PCCA: variants seen among roughly 807,000 people sequenced by gnomAD.
PCCA encodes propionyl-CoA carboxylase alpha chain, mitochondrial.
Under a neutral mutation model 101.3 loss-of-function variants are expected in PCCA, and 74 were observed. The ratio of observed to expected loss-of-function variants is 0.73; its 90% CI spans 0.61 to 0.89. The LOEUF is 0.89. Ranked by LOEUF, PCCA falls within the 40% of genes least tolerant of loss-of-function variation. PCCA has a pLI of 0.00. For synonymous variants in PCCA, 294 were observed against 313.6 expected (o/e 0.94, Z 0.66); for missense variants, 891 against 907.0 (o/e 0.98, Z 0.23).
intron 4 of PCCA, among the ~76,000 whole-genome samples, chr13:100,125,264 T>C (rs2049845420): frequency 6.6e-6 from 1 of 152,190 alleles, no homozygotes; most frequent in African/African-American, 2.4e-5. Context: ...TCACAGTTGG[T>C]CTTAATTAGA....
intron 4 of PCCA, among the ~76,000 whole-genome samples, chr13:100,115,891 A>G (rs1488377508): frequency 6.6e-6 from 1 of 152,188 alleles, no homozygotes; most frequent in Non-Finnish European, 1.5e-5. Flanking sequence ...AATGGAAGCA[A>G]TTGCACACTC....
intron 21 of PCCA, among the ~76,000 whole-genome samples, chr13:100,463,087 G>A (rs1047817799): frequency 1.3e-5 from 2 of 152,150 alleles, no homozygotes; most frequent in South Asian, 2.1e-4. Context: ...GAAAGAGGAC[G>A]GAATGAAATT....
intron 7 of PCCA, among the ~76,000 whole-genome samples, chr13:100,219,906 C>A (rs780709054): frequency 1.3e-5 from 2 of 152,112 alleles, no homozygotes; most frequent in Admixed American, 6.5e-5. Context: ...TCAAGGGTAT[C>A]ATCTTATTCT....
chr13:100,409,941 G>A lies in PCCA; in HGVS notation c.1747-15692G>A, dbSNP rs573001160. Among the ~76,000 whole-genome samples, 226 of 151,752 alleles carry A rather than the reference G, an allele frequency of 1.5e-3. 2 individuals are homozygous for A. Among genetic ancestry groups the A allele is most frequent in the African/African-American group, 5.2e-3 (215 of 41,360 alleles). On this transcript the variant is annotated intron_variant, in intron 19 of 23. Transcript: ENST00000376285. Reference sequence around the variant, plus strand: ...TGCCCAGCTAATTTTTGTATTTTTAGTAGAGACGGGGTTTCACCATGTTGG... The same window carrying A: ...TGCCCAGCTAATTTTTGTATTTTTAATAGAGACGGGGTTTCACCATGTTGG...
At chr13:100,244,929 CTG>C (rs3223372) in intron 8 of PCCA, among the ~76,000 whole-genome samples, 6,962 of 141,388 alleles carry the variant, frequency 0.049, 350 homozygotes, top group African/African-American at 0.14. Context: ...TGAGGAAAGG[CTG>C]TGTGTGTGTG....
chr13:100,395,066 T>C (rs1211996612), intron 19 of PCCA, among the ~76,000 whole-genome samples: 1 of 152,224 alleles, frequency 6.6e-6, no homozygotes, highest in Non-Finnish European at 1.5e-5. Flanking sequence ...TCTAAAACTT[T>C]CTTTGCTCTA....
intron 4 of PCCA, among the ~76,000 whole-genome samples, chr13:100,139,969 C>G (rs2051667740): frequency 6.6e-6 from 1 of 151,818 alleles, no homozygotes; most frequent in South Asian, 2.1e-4. Flanking sequence ...ATCCACCCCA[C>G]ATATGTGTCA....
At position 100,433,184 on chromosome 13, in the gene PCCA, A is replaced by G. The variant is rs2079678118; in HGVS notation, c.1845+7453A>G. ...AATTGCTGGATCACGTGGTAATTGT[A>G]TGTTTAATTTTTTGAGGAACCTCCA... On this transcript the variant is annotated intron_variant, in intron 20 of 23. Transcript: ENST00000376285. Among the ~76,000 whole-genome samples, 3 of 152,164 alleles carry G rather than the reference A, an allele frequency of 2.0e-5. No individual in the cohort carries two copies. In the South Asian group the frequency reaches 6.2e-4, roughly 32 times the overall value.
chr13:100,341,212 G>C (rs1454151465), intron 18 of PCCA, among the ~76,000 whole-genome samples: 1 of 152,188 alleles, frequency 6.6e-6, no homozygotes, highest in East Asian at 1.9e-4. Flanking sequence ...ATCAGTAAAT[G>C]ACTGAATGAC....
At chr13:100,439,907 T>G (rs1167085461) in intron 20 of PCCA, among the ~76,000 whole-genome samples, 1 of 152,086 alleles carries the variant, frequency 6.6e-6, no homozygotes, top group African/African-American at 2.4e-5. Flanking sequence ...TGAAGACTTT[T>G]TTCTTTCTAT....
chr13:100,095,389 T>A (rs922139319), intron 1 of PCCA, among the ~76,000 whole-genome samples: 1 of 152,326 alleles, frequency 6.6e-6, no homozygotes, highest in South Asian at 2.1e-4. Flanking sequence ...GAGCTGGGAA[T>A]ATAATTGTGA....
At chr13:100,100,934 G>A (rs1254233302) in intron 1 of PCCA, among the ~76,000 whole-genome samples, 1 of 152,072 alleles carries the variant, frequency 6.6e-6, no homozygotes, top group African/African-American at 2.4e-5. Context: ...CATCCGAGTA[G>A]CTGGGATTAC....
chr13:100,301,330 T>A (rs2066039383), intron 12 of PCCA, 130 bp from the exon 13 acceptor site: 1 of 928,718 alleles, frequency 1.1e-6, no homozygotes, highest in Admixed American at 1.9e-5. Flanking sequence ...AAGAGTTTTT[T>A]AGTCAAATAT....
rs185136470 is a variant in PCCA at position 100,396,733 on chromosome 13, T to A, written c.1746+28159T>A. On this transcript the variant is annotated intron_variant, in intron 19 of 23. Coordinates refer to ENST00000376285, the MANE Select transcript of PCCA (RefSeq NM_000282.4). ...GATTAATATTTTTACATTCTAATAT[T>A]CTTTGTTAGAATTGTATTTATTTTA... 2.2e-4 allele frequency among the ~76,000 whole-genome samples: 33 copies of A among 152,360 alleles called. No individual in the cohort carries two copies. In the East Asian group the frequency reaches 6.2e-3, roughly 28 times the overall value.
At chr13:100,089,789 C>T (rs2046111997) in intron 1 of PCCA, among the ~76,000 whole-genome samples, 1 of 152,178 alleles carries the variant, frequency 6.6e-6, no homozygotes, top group Non-Finnish European at 1.5e-5. Context: ...CTACTGTGTA[C>T]CAAATGCATC....
At chr13:100,267,857 T>C (rs2063048112) in intron 10 of PCCA, among the ~76,000 whole-genome samples, 1 of 152,186 alleles carries the variant, frequency 6.6e-6, no homozygotes, top group Non-Finnish European at 1.5e-5. Context: ...AATTATTCAT[T>C]GTTTATCTGA....
At chr13:100,092,537 C>T (rs1594023843) in intron 1 of PCCA, among the ~76,000 whole-genome samples, 5 of 152,082 alleles carry the variant, frequency 3.3e-5, no homozygotes, top group Admixed American at 3.3e-4. Flanking sequence ...CACGTACGAC[C>T]ACACCTGGCT....
chr13:100,397,986 A>T (rs2077132431), intron 19 of PCCA, among the ~76,000 whole-genome samples: 2 of 152,210 alleles, frequency 1.3e-5, no homozygotes, highest in African/African-American at 4.8e-5. Flanking sequence ...CTCTTTAATC[A>T]TTCAGGTTCA....
chr13:100,271,387 C>T (rs184395927), intron 11 of PCCA, among the ~76,000 whole-genome samples: 276 of 151,710 alleles, frequency 1.8e-3, no homozygotes, highest in African/African-American at 6.3e-3. Flanking sequence ...TGAACTCTTC[C>T]CCCTCCCCCA....
Sources: gnomAD v4.1 joint callset for allele counts (sites outside exome capture counted in the v4.1 genomes callset) on GRCh38, gnomAD v4.1.1 for gene constraint, MANE v1.5 for transcripts, NCBI Gene and HGNC (gene_info 2026-07-23, HGNC 2026-07-21) for gene names.